USP15: variants seen among roughly 807,000 people sequenced by gnomAD.
USP15 encodes ubiquitin specific peptidase 15, also known as ubiquitin carboxyl-terminal hydrolase 15.
Under a neutral mutation model 127.1 loss-of-function variants are expected in USP15, and 18 were observed. That is an observed-to-expected ratio of 0.14 (90% CI 0.10 to 0.21). The LOEUF (loss-of-function observed/expected upper bound fraction) is 0.21. Among genes scored for constraint, USP15 ranks in the 10% least tolerant of loss-of-function variants. The probability of loss-of-function intolerance (pLI) is 1.00; values close to 1 mark genes in which losing one functional copy is unlikely to be tolerated. For synonymous variants in USP15, 364 were observed against 393.7 expected (o/e 0.92, Z 0.89); for missense variants, 805 against 1,159.9 (o/e 0.69, Z 4.44).
chr12:62,344,044 CT>C (rs1247762089), intron 6 of USP15, among the ~76,000 whole-genome samples: 2 of 152,000 alleles, frequency 1.3e-5, no homozygotes, highest in Non-Finnish European at 2.9e-5. Context: ...CATTCTGCCC[CT>C]GGCCCCTCCC....
At chr12:62,367,449 G>A (rs183250847) in intron 8 of USP15, among the ~76,000 whole-genome samples, 368 of 152,134 alleles carry the variant, frequency 2.4e-3, no homozygotes, top group Non-Finnish European at 3.0e-3. Flanking sequence ...GGATGGTCTC[G>A]ATCTCCTGAC....
chr12:62,328,501 A>G, intron 6 of USP15: 1 of 217,306 alleles, frequency 4.6e-6, no homozygotes, highest in South Asian at 6.0e-5. Flanking sequence ...TAGTCTAACA[A>G]AAATTAACTT....
At chr12:62,290,532 T>G (rs1483073976) in intron 1 of USP15, among the ~76,000 whole-genome samples, 1 of 152,168 alleles carries the variant, frequency 6.6e-6, no homozygotes, top group Non-Finnish European at 1.5e-5. Context: ...GTAAGCAGCA[T>G]ATAGTTGGAT....
intron 11 of USP15, among the ~76,000 whole-genome samples, chr12:62,387,614 A>G (rs2067193986): frequency 6.6e-6 from 1 of 152,162 alleles, no homozygotes; most frequent in Non-Finnish European, 1.5e-5. Context: ...GTTGTACAAC[A>G]TTATTGGCAA....
At position 62,411,461 on chromosome 12, in the gene USP15, A is replaced by G. The variant is rs1290832151; in HGVS notation, c.*7086A>G. 1.3e-5 allele frequency: 2 copies of G among 152,242 alleles called. No individual in the cohort carries two copies. 9.4% of individuals were successfully genotyped at this position (152,242 alleles called of 1,614,324 possible). Reference sequence around the variant, plus strand: ...ATATACAAAAACAAAATCCAGTTACAAATATAATTTTTAAAGCTATTTGTG... The same window carrying G: ...ATATACAAAAACAAAATCCAGTTACGAATATAATTTTTAAAGCTATTTGTG... On this transcript the variant is annotated 3_prime_UTR_variant, in exon 22 of 22. Coordinates refer to ENST00000280377, the MANE Select transcript of USP15 (RefSeq NM_001252078.2).
At chr12:62,297,120 G>C (rs938412096) in intron 2 of USP15, among the ~76,000 whole-genome samples, 21 of 152,292 alleles carry the variant, frequency 1.4e-4, no homozygotes, top group African/African-American at 5.1e-4. Context: ...TCAGTGTGCT[G>C]CTTGAGGGGC....
intron 6 of USP15, among the ~76,000 whole-genome samples, chr12:62,347,809 T>G (rs944852341): frequency 4.6e-5 from 7 of 152,138 alleles, no homozygotes; most frequent in Admixed American, 1.3e-4. Context: ...AAATCCCACT[T>G]AACAGAATCC....
intron 8 of USP15, among the ~76,000 whole-genome samples, chr12:62,376,929 G>A (rs1283948672): frequency 5.9e-5 from 9 of 152,092 alleles, no homozygotes; most frequent in Admixed American, 5.9e-4. Flanking sequence ...AATTGTTTTG[G>A]GATAGTCTCA....
chr12:62,279,448 A>G (rs774022189), intron 1 of USP15, among the ~76,000 whole-genome samples: 6 of 152,300 alleles, frequency 3.9e-5, no homozygotes, highest in East Asian at 1.9e-4. Flanking sequence ...ATGATAGTAC[A>G]TATATCTTCA....
In USP15 at chr12:62,391,128, AT is replaced by A. The variant is rs754950979; in HGVS notation, c.1961-26del. ...AATTTAAAAATATAGCATTGGGTTTATTTAAAGCTCTCTAATATCTAAAATT... is the reference window on the plus strand; with the variant it reads ...AATTTAAAAATATAGCATTGGGTTTATTAAAGCTCTCTAATATCTAAAATT... On this transcript the variant is annotated intron_variant, in intron 15 of 21. Transcript: ENST00000280377. 3.2e-6 allele frequency: 5 copies of A among 1,586,764 alleles called. No homozygotes were observed. In the East Asian group the frequency reaches 1.1e-4, roughly 36 times the overall value.
intron 5 of USP15, among the ~76,000 whole-genome samples, chr12:62,324,700 A>ATAAT (rs1007664464): frequency 1.3e-5 from 2 of 151,850 alleles, no homozygotes; most frequent in Non-Finnish European, 3.0e-5. Flanking sequence ...AATGTGTGAA[A>ATAAT]TAATAGATTT....
intron 6 of USP15, among the ~76,000 whole-genome samples, chr12:62,346,776 A>G (rs1393317666): frequency 2.0e-5 from 3 of 152,190 alleles, no homozygotes. Context: ...TAGAATATAA[A>G]AGACCCTTTA....
chr12:62,335,166 A>T, intron 6 of USP15: 1 of 1,535,696 alleles, frequency 6.5e-7, no homozygotes, highest in Non-Finnish European at 8.7e-7. Flanking sequence ...CTTTTTCTAG[A>T]AAGCCACTAG....
At chr12:62,368,049 C>G (rs1348747725) in intron 8 of USP15, among the ~76,000 whole-genome samples, 1 of 152,096 alleles carries the variant, frequency 6.6e-6, no homozygotes, top group Non-Finnish European at 1.5e-5. Context: ...TTTATTTCTG[C>G]CTTCATTTCA....
intron 6 of USP15, among the ~76,000 whole-genome samples, chr12:62,342,128 A>G (rs1020880860): frequency 6.6e-6 from 1 of 151,614 alleles, no homozygotes; most frequent in African/African-American, 2.4e-5. Context: ...TTTTTTCTCT[A>G]ATCTTGTCTT....
intron 2 of USP15, among the ~76,000 whole-genome samples, chr12:62,295,864 C>T (rs896929568): frequency 7.9e-5 from 12 of 152,324 alleles, no homozygotes; most frequent in African/African-American, 2.6e-4. Flanking sequence ...TTGTATAATA[C>T]TCTCCCCTTT....
intron 8 of USP15, among the ~76,000 whole-genome samples, chr12:62,356,568 G>C (rs1361176582): frequency 1.3e-5 from 2 of 151,870 alleles, no homozygotes; most frequent in African/African-American, 4.8e-5. Context: ...TCGATTTCTG[G>C]TATTTTGCTT....
At chr12:62,321,977 T>C (rs1380798872) in intron 5 of USP15, among the ~76,000 whole-genome samples, 2 of 152,302 alleles carry the variant, frequency 1.3e-5, no homozygotes, top group Middle Eastern at 3.4e-3. Flanking sequence ...TCTAAAACAT[T>C]GCCATTGTAG....
chr12:62,407,430 T>A lies in USP15; in HGVS notation c.*3055T>A, dbSNP rs2067904866. ...GAGCTTTGTAAACTTTATTACACAC[T>A]CACTGATTTCTTCAGTCTAAATAGA... is the stretch of plus-strand genomic sequence containing the variant. On this transcript the variant is annotated 3_prime_UTR_variant, in exon 22 of 22. Coordinates refer to ENST00000280377, the MANE Select transcript of USP15 (RefSeq NM_001252078.2). The A allele has an allele frequency of 1.3e-5, 2 of 152,200 alleles. No homozygotes were observed. Among genetic ancestry groups the A allele is most frequent in the South Asian group, 4.1e-4 (2 of 4,832 alleles). The allele number at this position is 152,200 out of a possible 1,614,324, so 9.4% of individuals were successfully genotyped here.
Sources: allele counts gnomAD v4.1 joint callset (sites outside exome capture counted in the v4.1 genomes callset), GRCh38; gene constraint gnomAD v4.1.1; transcripts MANE v1.5; gene names NCBI Gene and HGNC (gene_info 2026-07-23, HGNC 2026-07-21).